The following C5orf52 variants were observed in gnomAD, a reference collection of about 807,000 sequenced individuals.
C5orf52 encodes chromosome 5 open reading frame 52.
In C5orf52, 15 loss-of-function variants were observed where a neutral mutation model predicts 16.8. That is an observed-to-expected ratio of 0.89 (90% CI 0.60 to 1.38). The LOEUF (loss-of-function observed/expected upper bound fraction) is 1.38, where lower values mean the gene tolerates loss of function less well. Ranked by LOEUF, C5orf52 falls within the 40% of genes most tolerant of loss-of-function variation. The pLI is 0.00. For missense variants in C5orf52, 206 were observed against 213.1 expected, an observed-to-expected ratio of 0.97 and a Z score of 0.21; for synonymous variants, 83 against 87.2, an observed-to-expected ratio of 0.95 and a Z score of 0.27.
At chr5:157,671,969 C>G (rs1314831801) in intron 1 of C5orf52, 143 bp downstream of exon 1, 1 of 567,038 alleles carries the variant, frequency 1.8e-6, no homozygotes, top group East Asian at 3.3e-5. Context: ...CCCCGGGCAC[C>G]AGCACCTTCC....
At position 157,671,564 on chromosome 5, in the gene C5orf52, G is replaced by T; in HGVS notation, c.-51G>T. ...CGTCAGCGCGCGCCCACCTAGGTGG[G>T]CTGGCAACCAGCCACCAGTTTCCAA... On this transcript the variant is annotated 5_prime_UTR_variant, in exon 1 of 3. Coordinates refer to ENST00000409999, the MANE Select transcript of C5orf52 (RefSeq NM_001145132.2). 4 of 1,483,240 alleles carry T rather than the reference G, an allele frequency of 2.7e-6. No individual in the cohort carries two copies. The highest frequency in any genetic ancestry group is 3.6e-6 in the Non-Finnish European group (4 of 1,101,346). The allele number at this position is 1,483,240 out of a possible 1,614,324, so 91.9% of individuals were successfully genotyped here. A position where few individuals can be genotyped will look rare whatever the true frequency, so the allele number is the denominator to read the frequency against.
chr5:157,671,924 C>G, intron 1 of C5orf52, 98 bp downstream of exon 1: 1 of 781,102 alleles, frequency 1.3e-6, no homozygotes, highest in Non-Finnish European at 2.0e-6. Context: ...GACCCCGGCC[C>G]TTTTTCACAC....
At chr5:157,675,602 G>T (rs1581416331) in intron 2 of C5orf52, among the ~76,000 whole-genome samples, 1 of 152,128 alleles carries the variant, frequency 6.6e-6, no homozygotes, top group Middle Eastern at 3.4e-3. Flanking sequence ...TCAGGAATTC[G>T]AGACCAGCCT....
chr5:157,674,017 C>G (rs147903737), intron 1 of C5orf52, among the ~76,000 whole-genome samples: 13 of 152,226 alleles, frequency 8.5e-5, no homozygotes, highest in Admixed American at 1.3e-4. Context: ...GTGGTGTAAC[C>G]AAATTATCAA....
intron 2 of C5orf52, among the ~76,000 whole-genome samples, 182 bp downstream of exon 2, chr5:157,675,382 G>A (rs571530060): frequency 8.5e-5 from 13 of 152,232 alleles, no homozygotes; most frequent in East Asian, 3.9e-4. Flanking sequence ...GCAAGGTGTC[G>A]CACCTGTTCC....
At chr5:157,675,010 C>T in intron 1 of C5orf52, 82 bp from the exon 2 acceptor site, 1 of 825,964 alleles carries the variant, frequency 1.2e-6, no homozygotes. Flanking sequence ...GCCTCAGCCA[C>T]TCCCTCAGGA....
intron 2 of C5orf52, among the ~76,000 whole-genome samples, chr5:157,678,000 A>G (rs1191290883): frequency 6.6e-6 from 1 of 152,194 alleles, no homozygotes; most frequent in Non-Finnish European, 1.5e-5. Context: ...AAAAAAAAGA[A>G]AAAAAGAAAA....
At chr5:157,676,841 T>C (rs1375209082) in intron 2 of C5orf52, among the ~76,000 whole-genome samples, 1 of 151,088 alleles carries the variant, frequency 6.6e-6, no homozygotes, top group East Asian at 1.9e-4. Flanking sequence ...ATCATCTTTG[T>C]ATCCCCTTTT....
chr5:157,675,529 C>T (rs887826947), intron 2 of C5orf52, among the ~76,000 whole-genome samples: 5 of 152,048 alleles, frequency 3.3e-5, no homozygotes, highest in African/African-American at 4.8e-5. Flanking sequence ...CTAGGCCACA[C>T]GCAGTGGCTC....
intron 1 of C5orf52, among the ~76,000 whole-genome samples, chr5:157,673,904 C>T (rs980678357): frequency 2.6e-4 from 39 of 152,274 alleles, no homozygotes; most frequent in African/African-American, 8.9e-4. Context: ...CTTCAGCCTC[C>T]CAAAGTGCTG....
At chr5:157,671,102 C>T (rs1330252664), upstream of C5orf52, among the ~76,000 whole-genome samples, 4 of 152,146 alleles carry the variant, frequency 2.6e-5, no homozygotes, top group Non-Finnish European at 5.9e-5. Context: ...AAGGGTCTTC[C>T]GGAAAGACAC....
chr5:157,676,603 G>T (rs2113866417), intron 2 of C5orf52, among the ~76,000 whole-genome samples: 1 of 152,306 alleles, frequency 6.6e-6, no homozygotes, highest in Non-Finnish European at 1.5e-5. Flanking sequence ...AGCTTTGTGT[G>T]ACCCTGTGTG....
chr5:157,678,566 T>C (rs541302324), intron 2 of C5orf52, among the ~76,000 whole-genome samples: 5 of 152,280 alleles, frequency 3.3e-5, no homozygotes, highest in African/African-American at 1.2e-4. Flanking sequence ...AAGCGATTCT[T>C]GTGCCTTAGC....
intron 2 of C5orf52, among the ~76,000 whole-genome samples, chr5:157,679,552 C>T (rs1175806444): frequency 2.0e-5 from 3 of 152,122 alleles, no homozygotes; most frequent in Non-Finnish European, 4.4e-5. Flanking sequence ...GGCCAGGCTG[C>T]TCTCAAACTC....
chr5:157,679,226 T>C (rs773253825), intron 2 of C5orf52, among the ~76,000 whole-genome samples: 56 of 152,204 alleles, frequency 3.7e-4, no homozygotes, highest in Non-Finnish European at 1.3e-4. Context: ...TTTTTCTTAG[T>C]ATCCTCTCCT....
chr5:157,677,848 G>A (rs375826837), intron 2 of C5orf52, among the ~76,000 whole-genome samples: 4 of 152,030 alleles, frequency 2.6e-5, no homozygotes, highest in African/African-American at 7.2e-5. Flanking sequence ...ACCTGGTGTG[G>A]TGGCTCAAGC....
intron 2 of C5orf52, 140 bp downstream of exon 2, chr5:157,675,340 G>A (rs1350618304): frequency 1.2e-5 from 7 of 589,434 alleles, no homozygotes; most frequent in Admixed American, 1.1e-4. Flanking sequence ...TTTTACAGAG[G>A]AGGCAATTGA....
At chr5:157,679,089 G>A (rs1349352992) in intron 2 of C5orf52, among the ~76,000 whole-genome samples, 5 of 151,572 alleles carry the variant, frequency 3.3e-5, no homozygotes, top group East Asian at 2.0e-4. Flanking sequence ...AGCTGAGATC[G>A]CGCCACTGCA....
At chr5:157,678,701 G>A (rs1222693424) in intron 2 of C5orf52, among the ~76,000 whole-genome samples, 3 of 152,088 alleles carry the variant, frequency 2.0e-5, no homozygotes, top group Non-Finnish European at 4.4e-5. Context: ...CCTCAAGTGA[G>A]CCACCTGCCT....
Sources: gnomAD v4.1 joint callset for allele counts (sites outside exome capture counted in the v4.1 genomes callset) on GRCh38, gnomAD v4.1.1 for gene constraint, MANE v1.5 for transcripts, NCBI Gene and HGNC (gene_info 2026-07-23, HGNC 2026-07-21) for gene names.